HBS1L: variants seen among roughly 807,000 people sequenced by gnomAD.
HBS1L encodes HBS1 like translational GTPase, also known as HBS1-like protein.
A neutral mutation model predicts 88.9 loss-of-function variants in HBS1L; 55 were observed. The ratio of observed to expected loss-of-function variants is 0.62; its 90% CI spans 0.50 to 0.77. The LOEUF (loss-of-function observed/expected upper bound fraction) is 0.77. Among genes scored for constraint, HBS1L ranks in the 30% least tolerant of loss-of-function variants. HBS1L has a pLI of 0.00. For synonymous variants in HBS1L, 267 were observed against 288.5 expected, an observed-to-expected ratio of 0.93 and a Z score of 0.76; for missense variants, 741 against 829.3, an observed-to-expected ratio of 0.89 and a Z score of 1.31.
intron 4 of HBS1L, among the ~76,000 whole-genome samples, chr6:135,014,005 T>C (rs1262107109): frequency 6.6e-6 from 1 of 152,112 alleles, no homozygotes; most frequent in African/African-American, 2.4e-5. Flanking sequence ...CAGCAGATGC[T>C]TGATGGAGGG....
intron 4 of HBS1L, among the ~76,000 whole-genome samples, chr6:135,006,813 TATGTGC>T (rs1337892859): frequency 6.6e-6 from 1 of 152,048 alleles, no homozygotes; most frequent in East Asian, 1.9e-4. Context: ...GGGGTGTGCG[TATGTGC>T]ATGTGTATGT....
rs1562266662 is a variant in HBS1L, at chr6:134,961,502, C to A, written c.*3777G>T. On this transcript the variant is annotated 3_prime_UTR_variant, in exon 18 of 18. Coordinates refer to ENST00000367837, the MANE Select transcript of HBS1L (RefSeq NM_006620.4). ...TCCGGATAAAATGAGATACTGTAAT[C>A]ATGCCTGAGCACAGATAAAAACAAA... The A allele has an allele frequency of 6.6e-6, 1 of 152,168 alleles. No individual in the cohort carries two copies. The highest frequency in any genetic ancestry group is 1.9e-4 in the East Asian group (1 of 5,194). The allele number at this position is 152,168 out of a possible 1,614,324, so 9.4% of individuals were successfully genotyped here. A position where few individuals can be genotyped will look rare whatever the true frequency, so the allele number is the denominator to read the frequency against.
At position 134,965,306 on chromosome 6, in the gene HBS1L, A is replaced by G; in HGVS notation, c.2044-16T>C. 2 of 1,509,614 alleles carry G rather than the reference A, an allele frequency of 1.3e-6. No homozygotes were observed. Among genetic ancestry groups the G allele is most frequent in the South Asian group, 1.2e-5 (1 of 84,630 alleles). 93.5% of individuals were successfully genotyped at this position (1,509,614 alleles called of 1,614,324 possible). A position where few individuals can be genotyped will look rare whatever the true frequency, so the allele number is the denominator to read the frequency against. ...ATTCTTTTATCTGTTAAAACAAAAAAAAAAAAGACATTTGCTGTAATTTAA... is the reference window on the plus strand; with the variant it reads ...ATTCTTTTATCTGTTAAAACAAAAAGAAAAAAGACATTTGCTGTAATTTAA... On this transcript the variant is annotated splice_polypyrimidine_tract_variant and intron_variant, in intron 17 of 17. Transcript: ENST00000367837.
chr6:135,050,482 T>C lies in HBS1L; in HGVS notation c.109+100A>G, dbSNP rs1435461891. On this transcript the variant is annotated intron_variant, in intron 2 of 17. Transcript: ENST00000367837. Reference sequence around the variant, plus strand: ...AACATATAATTAACTTTTTAAATGTTATATATTACAGTCTCACAGAACACT... The same window carrying C: ...AACATATAATTAACTTTTTAAATGTCATATATTACAGTCTCACAGAACACT... The C allele has an allele frequency of 8.9e-6, 6 of 673,018 alleles. No homozygotes were observed. In the African/African-American group the frequency reaches 1.1e-4, roughly 13 times the overall value. 41.7% of individuals were successfully genotyped at this position (673,018 alleles called of 1,614,324 possible).
In HBS1L at chr6:134,963,264, T is replaced by A. The variant is rs999815501; in HGVS notation, c.*2015A>T. The A allele has an allele frequency of 6.6e-6, 1 of 152,190 alleles. No individual in the cohort carries two copies. Among genetic ancestry groups the A allele is most frequent in the Non-Finnish European group, 1.5e-5 (1 of 68,022 alleles). The allele number at this position is 152,190 out of a possible 1,614,324, so 9.4% of individuals were successfully genotyped here. On this transcript the variant is annotated 3_prime_UTR_variant, in exon 18 of 18. Coordinates refer to ENST00000367837, the MANE Select transcript of HBS1L (RefSeq NM_006620.4). Reference sequence around the variant, plus strand: ...ACAGGATATCCTAGGGAAGTATTAATAAATAAAATTCAATCATAGTCAATG... The same window carrying A: ...ACAGGATATCCTAGGGAAGTATTAAAAAATAAAATTCAATCATAGTCAATG...
At chr6:135,021,392 T>C (rs1168224588) in intron 4 of HBS1L, among the ~76,000 whole-genome samples, 1 of 152,098 alleles carries the variant, frequency 6.6e-6, no homozygotes, top group Non-Finnish European at 1.5e-5. Flanking sequence ...AACTAAATTA[T>C]ACAGTATTTT....
At chr6:134,974,655 A>C (rs1001832157) in intron 15 of HBS1L, among the ~76,000 whole-genome samples, 1 of 151,974 alleles carries the variant, frequency 6.6e-6, no homozygotes, top group Admixed American at 6.6e-5. Flanking sequence ...AAAAGCAAAA[A>C]AAAAACAGAT....
chr6:134,997,383 A>T lies in HBS1L; in HGVS notation c.799+14T>A. ...CATGGCTGGCTGACGATCCAGAGGG[A>T]CAAAGAGCATTACCAATGACCACTA... On this transcript the variant is annotated intron_variant, in intron 6 of 17. Transcript: ENST00000367837. 6.2e-7 allele frequency: 1 copy of T among 1,613,700 alleles called. No individual in the cohort carries two copies.
At chr6:135,010,786 C>T (rs780249236) in intron 4 of HBS1L, among the ~76,000 whole-genome samples, 1 of 151,806 alleles carries the variant, frequency 6.6e-6, no homozygotes, top group Non-Finnish European at 1.5e-5. Flanking sequence ...AAAAGAATGA[C>T]CAATAAAATA....
intron 4 of HBS1L, among the ~76,000 whole-genome samples, chr6:135,009,272 C>T (rs576298694): frequency 2.6e-5 from 4 of 152,044 alleles, no homozygotes; most frequent in Non-Finnish European, 5.9e-5. Context: ...GTGCTATTAT[C>T]AAAAAGTGTA....
intron 4 of HBS1L, among the ~76,000 whole-genome samples, chr6:135,017,718 A>G (rs1775960986): frequency 6.6e-6 from 1 of 152,054 alleles, no homozygotes; most frequent in Non-Finnish European, 1.5e-5. Context: ...AACTGAAAAA[A>G]TAAGGCAAAG....
At chr6:135,032,226 T>C (rs926790463) in intron 4 of HBS1L, among the ~76,000 whole-genome samples, 3 of 151,328 alleles carry the variant, frequency 2.0e-5, no homozygotes, top group African/African-American at 4.8e-5. Flanking sequence ...CATTCAGAAA[T>C]ATCAAGTTTA....
intron 4 of HBS1L, among the ~76,000 whole-genome samples, chr6:135,020,322 G>A (rs925353628): frequency 6.6e-6 from 1 of 151,868 alleles, no homozygotes; most frequent in African/African-American, 2.4e-5. Flanking sequence ...TTTTCCATGA[G>A]CAAGACCTTA....
rs375160920 is a variant in HBS1L at position 134,986,819 on chromosome 6, G to T, written c.1231-9C>A. 1.6e-5 allele frequency: 24 copies of T among 1,476,778 alleles called. No individual in the cohort carries two copies. Among genetic ancestry groups the T allele is most frequent in the Non-Finnish European group, 2.1e-5 (23 of 1,094,622 alleles). The allele number at this position is 1,476,778 out of a possible 1,614,324, so 91.5% of individuals were successfully genotyped here. On this transcript the variant is annotated splice_polypyrimidine_tract_variant and intron_variant, in intron 9 of 17. Coordinates refer to ENST00000367837, the MANE Select transcript of HBS1L (RefSeq NM_006620.4). ...TCTTGTTGCCAATTAACCTGATAAA[G>T]ATCCAATTTATTTTTAAAACTATCC...
intron 4 of HBS1L, among the ~76,000 whole-genome samples, chr6:135,014,641 T>C (rs1403402750): frequency 1.3e-5 from 2 of 152,018 alleles, no homozygotes; most frequent in Non-Finnish European, 1.5e-5. Flanking sequence ...AGGCAAAACA[T>C]AGGAACCTCA....
intron 5 of HBS1L, among the ~76,000 whole-genome samples, chr6:134,998,198 A>C (rs555186331): frequency 6.6e-6 from 1 of 152,352 alleles, no homozygotes; most frequent in East Asian, 1.9e-4. Context: ...GATTTATTAA[A>C]AACTACAACA....
chr6:135,013,481 C>T (rs190000142), intron 4 of HBS1L, among the ~76,000 whole-genome samples: 1 of 152,288 alleles, frequency 6.6e-6, no homozygotes, highest in East Asian at 1.9e-4. Flanking sequence ...GCAGGTAACT[C>T]ATTTAGAACC....
In HBS1L at chr6:134,962,948, A is replaced by T. The variant is rs111639058; in HGVS notation, c.*2331T>A. On this transcript the variant is annotated 3_prime_UTR_variant, in exon 18 of 18. Coordinates refer to ENST00000367837, the MANE Select transcript of HBS1L (RefSeq NM_006620.4). ...TAATATCACCACTCCTTTCAACCAC[A>T]ATCAATCATCAATAAAATGCAAATA... 115 of 152,340 alleles carry T rather than the reference A, an allele frequency of 7.5e-4. No homozygotes were observed. Among genetic ancestry groups the T allele is most frequent in the African/African-American group, 2.7e-3 (111 of 41,582 alleles). 9.4% of individuals were successfully genotyped at this position (152,340 alleles called of 1,614,324 possible). A position where few individuals can be genotyped will look rare whatever the true frequency, so the allele number is the denominator to read the frequency against.
chr6:135,046,685 C>G (rs890353982), intron 2 of HBS1L, among the ~76,000 whole-genome samples: 1 of 152,070 alleles, frequency 6.6e-6, no homozygotes, highest in Non-Finnish European at 1.5e-5. Context: ...ATAGTGAGAC[C>G]AGGAAAATTG....
Sources: gnomAD v4.1 joint callset for allele counts (sites outside exome capture counted in the v4.1 genomes callset) on GRCh38, gnomAD v4.1.1 for gene constraint, MANE v1.5 for transcripts, NCBI Gene and HGNC (gene_info 2026-07-23, HGNC 2026-07-21) for gene names.